The following TWIST2 variants were observed in gnomAD, a reference collection of about 807,000 sequenced individuals.
The protein encoded by TWIST2 is twist-related protein 2.
A neutral mutation model predicts 11.6 loss-of-function variants in TWIST2; 1 was observed. The observed-to-expected ratio is 0.09, with a 90% CI of 0.03 to 0.41. TWIST2 has a LOEUF of 0.41. Ranked by LOEUF, TWIST2 falls within the 10% of genes least tolerant of loss-of-function variation. The pLI is 0.98. For synonymous variants in TWIST2, 87 were observed against 96.6 expected (o/e 0.90, Z 0.58); for missense variants, 168 against 226.4 (o/e 0.74, Z 1.66).
chr2:238,865,719 C>T (rs1692518125), intron 1 of TWIST2, among the ~76,000 whole-genome samples: 1 of 151,268 alleles, frequency 6.6e-6, no homozygotes, highest in African/African-American at 2.4e-5. Context: ...TGGCATTAGA[C>T]AGGCATCCCC....
intron 1 of TWIST2, among the ~76,000 whole-genome samples, chr2:238,907,115 T>C (rs964502855): frequency 0.058 from 8,826 of 152,260 alleles, 397 homozygotes; most frequent in East Asian, 0.16. Flanking sequence ...GCCTGGGGGC[T>C]GCTGCAGGCT....
intron 1 of TWIST2, among the ~76,000 whole-genome samples, chr2:238,870,603 A>C (rs1692662914): frequency 1.1e-5 from 1 of 89,576 alleles, no homozygotes; most frequent in Non-Finnish European, 2.2e-5. Context: ...CACCCCACAC[A>C]CACATCACAT....
intron 1 of TWIST2, among the ~76,000 whole-genome samples, chr2:238,905,211 A>G (rs1300145777): frequency 5.3e-5 from 8 of 150,900 alleles, no homozygotes; most frequent in Non-Finnish European, 1.0e-4. Context: ...CCTGCTCATT[A>G]GGGCCCCGGT....
chr2:238,905,938 T>TGTGC (rs1559285498), intron 1 of TWIST2, among the ~76,000 whole-genome samples: 1 of 142,598 alleles, frequency 7.0e-6, no homozygotes, highest in Non-Finnish European at 1.5e-5. Context: ...TGTGCGCGTG[T>TGTGC]GTGTGCGCGC....
chr2:238,853,737 A>G (rs1390362460), intron 1 of TWIST2, among the ~76,000 whole-genome samples: 3 of 152,204 alleles, frequency 2.0e-5, no homozygotes, highest in Non-Finnish European at 4.4e-5. Flanking sequence ...TGGATCTGAA[A>G]TTGGAAAAGC....
At chr2:238,876,957 C>G (rs1279503615) in intron 1 of TWIST2, among the ~76,000 whole-genome samples, 1 of 152,184 alleles carries the variant, frequency 6.6e-6, no homozygotes, top group Non-Finnish European at 1.5e-5. Flanking sequence ...AGAGATTCTT[C>G]CTTACCTTCA....
chr2:238,890,881 C>T lies in TWIST2; in HGVS notation c.*36-18961C>T, dbSNP rs543901467. On this transcript the variant is annotated intron_variant, in intron 1 of 1. Coordinates refer to ENST00000612363, the MANE Select transcript of TWIST2 (RefSeq NM_001271893.4). The stretch of plus-strand genomic sequence containing the variant: ...TCCCAGATTGAAATCGTTCTGCCCA[C>T]CGTCATCACAAACAGCACTGAGACA... 1.5e-4 allele frequency among the ~76,000 whole-genome samples: 23 copies of T among 152,274 alleles called. No homozygotes were observed. In the South Asian group the frequency reaches 4.8e-3, roughly 32 times the overall value.
chr2:238,893,414 C>G (rs1257876358), intron 1 of TWIST2, among the ~76,000 whole-genome samples: 2 of 152,138 alleles, frequency 1.3e-5, no homozygotes, highest in African/African-American at 4.8e-5. Flanking sequence ...TTATATCCCC[C>G]AGTTAAAAAT....
chr2:238,899,623 C>G (rs1693245231), intron 1 of TWIST2, among the ~76,000 whole-genome samples: 1 of 152,218 alleles, frequency 6.6e-6, no homozygotes, highest in Non-Finnish European at 1.5e-5. Flanking sequence ...CCTCTCTGTG[C>G]CCATCCCGGC....
rs975954835 is a variant in TWIST2 at position 238,901,389 on chromosome 2, T to C, written c.*36-8453T>C. ...TTCTCCTTCTATTTGTTTTGTTGTT[T>C]CCAGCAGTCCTTGTTTTGTTTCCTA... On this transcript the variant is annotated intron_variant, in intron 1 of 1. Coordinates refer to ENST00000612363, the MANE Select transcript of TWIST2 (RefSeq NM_001271893.4). 1.8e-3 allele frequency among the ~76,000 whole-genome samples: 280 copies of C among 152,356 alleles called. 9 individuals carry two copies. The East Asian group carries it at 0.042, about 23-fold the overall frequency.
chr2:238,902,759 G>T (rs1401061795), intron 1 of TWIST2, among the ~76,000 whole-genome samples: 2 of 139,578 alleles, frequency 1.4e-5, no homozygotes, highest in South Asian at 5.0e-4. Context: ...TGATGGGTAT[G>T]TGCGTGATGT....
intron 1 of TWIST2, among the ~76,000 whole-genome samples, chr2:238,873,383 T>C (rs938702651): frequency 6.6e-6 from 1 of 151,774 alleles, no homozygotes; most frequent in Non-Finnish European, 1.5e-5. Context: ...AGCAAGAGGA[T>C]GGGGAAGGAC....
At chr2:238,896,405 T>TG (rs1693208016) in intron 1 of TWIST2, among the ~76,000 whole-genome samples, 1 of 152,158 alleles carries the variant, frequency 6.6e-6, no homozygotes, top group South Asian at 2.1e-4. Context: ...TTCAAGCCAG[T>TG]GGTGCCGGAA....
intron 1 of TWIST2, among the ~76,000 whole-genome samples, chr2:238,854,920 G>A (rs1326796078): frequency 1.3e-5 from 2 of 152,192 alleles, no homozygotes; most frequent in African/African-American, 4.8e-5. Context: ...TTTGAATCAC[G>A]AGATCTACAA....
chr2:238,907,568 G>T (rs1039765400), intron 1 of TWIST2, among the ~76,000 whole-genome samples: 2 of 152,132 alleles, frequency 1.3e-5, no homozygotes, highest in Non-Finnish European at 2.9e-5. Context: ...AGTGCGCTTA[G>T]AAGTCACTTG....
intron 1 of TWIST2, among the ~76,000 whole-genome samples, chr2:238,880,317 GTATT>G (rs920622635): frequency 9.8e-5 from 13 of 133,196 alleles, no homozygotes; most frequent in African/African-American, 2.9e-4. Context: ...GTTAGTGTTG[GTATT>G]TATTATTATT....
In TWIST2 at chr2:238,848,151, G is replaced by T. The variant is rs982520776; in HGVS notation, c.-65G>T. ...GAGAGCGTGTGCTCGGCGACCGCGG[G>T]CTTGGCCAGCGGCGCGCGCTCGGCG... On this transcript the variant is annotated 5_prime_UTR_variant, in exon 1 of 2. Transcript: ENST00000612363. The T allele has an allele frequency of 3.9e-5, 45 of 1,165,198 alleles. No homozygotes were observed. Among genetic ancestry groups the T allele is most frequent in the Non-Finnish European group, 4.7e-5 (44 of 945,054 alleles). 72.2% of individuals were successfully genotyped at this position (1,165,198 alleles called of 1,614,324 possible). A position where few individuals can be genotyped will look rare whatever the true frequency, so the allele number is the denominator to read the frequency against.
At chr2:238,897,826 C>T (rs1175204514) in intron 1 of TWIST2, among the ~76,000 whole-genome samples, 2 of 152,228 alleles carry the variant, frequency 1.3e-5, no homozygotes, top group East Asian at 3.8e-4. Context: ...GCCGTCTGGC[C>T]CTTGGTGGCC....
chr2:238,888,888 C>T (rs763666950), intron 1 of TWIST2, among the ~76,000 whole-genome samples: 2 of 152,176 alleles, frequency 1.3e-5, no homozygotes, highest in African/African-American at 2.4e-5. Context: ...GCATGTCACA[C>T]GTGCATATGA....
Sources: allele counts gnomAD v4.1 joint callset (sites outside exome capture counted in the v4.1 genomes callset), GRCh38; gene constraint gnomAD v4.1.1; transcripts MANE v1.5; gene names NCBI Gene and HGNC (gene_info 2026-07-23, HGNC 2026-07-21).